ERBIN: variants seen among roughly 807,000 people sequenced by gnomAD.
ERBIN encodes erbb2 interacting protein, also known as densin-180-like protein.
ERBIN carries 60 observed loss-of-function variants against 158.4 expected under a neutral mutation model. The ratio of observed to expected loss-of-function variants is 0.38; its 90% CI spans 0.31 to 0.47. The LOEUF (loss-of-function observed/expected upper bound fraction) is 0.47, where lower values mean the gene tolerates loss of function less well. Among genes scored for constraint, ERBIN ranks in the 20% least tolerant of loss-of-function variants. ERBIN has a pLI of 0.99. For synonymous variants in ERBIN, 594 were observed against 557.2 expected, an observed-to-expected ratio of 1.07 and a Z score of -0.93; for missense variants, 1,610 against 1,648.0, an observed-to-expected ratio of 0.98 and a Z score of 0.40.
chr5:66,081,162 A>G lies in ERBIN; in HGVS notation c.*2632A>G, dbSNP rs1762368302. ...TTTTAGTGATTTTGTCTTTAAGAGT[A>G]ATTTCTTACTCTAACCAGTAAAAAA... On this transcript the variant is annotated 3_prime_UTR_variant, in exon 26 of 26. Coordinates refer to ENST00000284037, the MANE Select transcript of ERBIN (RefSeq NM_001253697.2). 1 of 151,976 alleles carries G rather than the reference A, an allele frequency of 6.6e-6. No homozygotes were observed. The highest frequency in any genetic ancestry group is 2.4e-5 in the African/African-American group (1 of 41,436). 9.4% of individuals were successfully genotyped at this position (151,976 alleles called of 1,614,324 possible). A position where few individuals can be genotyped will look rare whatever the true frequency, so the allele number is the denominator to read the frequency against.
chr5:66,048,769 A>C lies in ERBIN; in HGVS notation c.1891A>C (p.Asn631His). 6.3e-7 allele frequency: 1 copy of C among 1,588,598 alleles called. No homozygotes were observed. The highest frequency in any genetic ancestry group is 8.6e-7 in the Non-Finnish European group (1 of 1,168,480). The change falls in exon 19 of 26, where the codon AAT becomes CAT. Residue 631 changes from asparagine (N) to histidine (H), a missense_variant. This residue lies in a region of ERBIN where 1,014 missense variants were observed against 936.1 expected (regional missense o/e 1.08). Transcript: ENST00000284037. The stretch of plus-strand genomic sequence containing the variant: ...CCAGCCAAAAGTCGTAGCACTTAGT[A>C]ATAACAAAAAAGGTTAGATGTTAAA... ...INQPKVVALS[N>H]NKKDDTKETD...
At chr5:66,019,910 ATCT>A (rs1372764294) in intron 7 of ERBIN, among the ~76,000 whole-genome samples, 3 of 152,090 alleles carry the variant, frequency 2.0e-5, no homozygotes, top group African/African-American at 4.8e-5. Flanking sequence ...CCTCCTCACA[ATCT>A]TCTTCACTTT....
intron 8 of ERBIN, among the ~76,000 whole-genome samples, chr5:66,022,613 A>C (rs1755819610): frequency 6.6e-6 from 1 of 152,212 alleles, no homozygotes; most frequent in Non-Finnish European, 1.5e-5. Context: ...AAGAGGGCAG[A>C]CTTGAAGGGA....
At position 66,054,087 on chromosome 5, in the gene ERBIN, A is replaced by G. The variant is rs1054272739; in HGVS notation, c.2769A>G (p.Pro923=). 13 of 1,614,068 alleles carry G rather than the reference A, an allele frequency of 8.1e-6. No individual in the cohort carries two copies. Among genetic ancestry groups the G allele is most frequent in the Non-Finnish European group, 1.0e-5 (12 of 1,180,038 alleles). The change falls in exon 21 of 26, where the codon CCA becomes CCG. Residue 923 remains proline, a synonymous_variant. Transcript: ENST00000284037. ...CTGCCACACTGTTGTATGATCAACCATTGCAGGTATTTACTGGTTCTTCCT... is the reference window on the plus strand; with the variant it reads ...CTGCCACACTGTTGTATGATCAACCGTTGCAGGTATTTACTGGTTCTTCCT... ...SKSATLLYDQ[P]LQVFTGSSSS... is the part of the protein sequence containing the mutation.
chr5:66,065,155 G>A (rs1005769639), intron 21 of ERBIN, among the ~76,000 whole-genome samples: 1 of 152,136 alleles, frequency 6.6e-6, no homozygotes, highest in African/African-American at 2.4e-5. Flanking sequence ...AACACAATAC[G>A]ATACTAGGTT....
intron 1 of ERBIN, among the ~76,000 whole-genome samples, chr5:65,964,908 TTGTG>T (rs70987104): frequency 0.024 from 2,569 of 107,192 alleles, 92 homozygotes; most frequent in African/African-American, 0.067. Flanking sequence ...CCTGGCTGAT[TTGTG>T]TGTGTGTGTG....
intron 1 of ERBIN, among the ~76,000 whole-genome samples, chr5:65,970,935 A>G (rs1327895079): frequency 2.0e-5 from 3 of 152,088 alleles, no homozygotes; most frequent in African/African-American, 4.8e-5. Context: ...TTATCTTTGT[A>G]TCTTTAGTGT....
intron 4 of ERBIN, among the ~76,000 whole-genome samples, chr5:66,011,794 G>A (rs1177821577): frequency 1.3e-5 from 2 of 152,112 alleles, no homozygotes; most frequent in Non-Finnish European, 1.5e-5. Context: ...CATGTAGAAG[G>A]CACTAATTTT....
At chr5:65,982,626 GA>G (rs1750779152) in intron 1 of ERBIN, among the ~76,000 whole-genome samples, 1 of 151,888 alleles carries the variant, frequency 6.6e-6, no homozygotes, top group South Asian at 2.1e-4. Flanking sequence ...TTTGTAATTA[GA>G]AAAATGCAAA....
chr5:65,979,668 A>G (rs1052359756), intron 1 of ERBIN, among the ~76,000 whole-genome samples: 3 of 152,232 alleles, frequency 2.0e-5, no homozygotes, highest in Non-Finnish European at 4.4e-5. Context: ...CCAAATGCAT[A>G]TTCTGGAACT....
At chr5:65,929,353 G>A (rs1024844898) in intron 1 of ERBIN, among the ~76,000 whole-genome samples, 1 of 152,114 alleles carries the variant, frequency 6.6e-6, no homozygotes, top group East Asian at 1.9e-4. Flanking sequence ...CGGATAATAC[G>A]ATTTAGACTT....
intron 1 of ERBIN, among the ~76,000 whole-genome samples, chr5:65,958,029 G>C (rs1183548462): frequency 2.0e-5 from 3 of 149,734 alleles, no homozygotes; most frequent in Non-Finnish European, 4.5e-5. Flanking sequence ...ACGGGGTGGC[G>C]GGGCAGAGGC....
At chr5:65,939,548 CCCACGGTCTCCCTCTCCCTCTCTTT>C (rs1041112014) in intron 1 of ERBIN, among the ~76,000 whole-genome samples, 3 of 152,032 alleles carry the variant, frequency 2.0e-5, no homozygotes. Context: ...TCTCCCTCTC[CCCACGGTCTCCCTCTCCCTCTCTTT>C]CCACGGTCTC....
At chr5:66,013,407 AG>A (rs1483965956) in intron 5 of ERBIN, 141 bp from the exon 6 acceptor site, 1 of 656,924 alleles carries the variant, frequency 1.5e-6, no homozygotes, top group Non-Finnish European at 2.7e-6. Flanking sequence ...AAATCTTTGA[AG>A]GGGCTCTCAT....
intron 1 of ERBIN, among the ~76,000 whole-genome samples, chr5:65,928,551 TA>T (rs1310937884): frequency 6.6e-6 from 1 of 152,196 alleles, no homozygotes; most frequent in Non-Finnish European, 1.5e-5. Context: ...AAATTTTGTA[TA>T]AAAAAAGTAT....
Position 65,996,873 on chromosome 5 carries a change from AT to A in ERBIN, c.307+2016del, listed in dbSNP as rs1229070885. 3.9e-5 allele frequency among the ~76,000 whole-genome samples: 6 copies of A among 151,916 alleles called. No homozygotes were observed. The South Asian group carries it at 1.0e-3, about 26-fold the overall frequency. ...AGTTAAATTTATTTCTAAGTATTTT[AT>A]TTTTTTGGTAGCTATTATAAATGGG... On this transcript the variant is annotated intron_variant, in intron 4 of 25. Coordinates refer to ENST00000284037, the MANE Select transcript of ERBIN (RefSeq NM_001253697.2).
rs569450784 is a variant in ERBIN at position 65,953,099 on chromosome 5, TC to T, written c.-58+26295del. Among the ~76,000 whole-genome samples the T allele has an allele frequency of 7.1e-4, 108 of 152,376 alleles. 2 individuals carry two copies. In the South Asian group the frequency reaches 0.021, roughly 30 times the overall value. Reference sequence around the variant, plus strand: ...TACAAAGTTACCATCTGGCTTCTGGTCCACAGCCCTCTCTGCTTCTGCTTTC... The same window carrying T: ...TACAAAGTTACCATCTGGCTTCTGGTCACAGCCCTCTCTGCTTCTGCTTTC... On this transcript the variant is annotated intron_variant, in intron 1 of 25. Transcript: ENST00000284037.
intron 1 of ERBIN, among the ~76,000 whole-genome samples, chr5:65,969,235 T>C (rs1398471476): frequency 6.6e-6 from 1 of 152,132 alleles, no homozygotes; most frequent in Non-Finnish European, 1.5e-5. Context: ...TACCTGTGAG[T>C]ATGAATAGTA....
At position 66,067,370 on chromosome 5, in the gene ERBIN, T is replaced by C. The variant is rs1306243346; in HGVS notation, c.3634-4799T>C. Among the ~76,000 whole-genome samples, 17 of 152,356 alleles carry C rather than the reference T, an allele frequency of 1.1e-4. No homozygotes were observed. In the East Asian group the frequency reaches 1.3e-3, roughly 12 times the overall value. On this transcript the variant is annotated intron_variant, in intron 21 of 25. Coordinates refer to ENST00000284037, the MANE Select transcript of ERBIN (RefSeq NM_001253697.2). ...AAGAGTAATACAGAAATGCTTGTTA[T>C]GATATTTCTGTATTAATAACAAGCC... is the stretch of plus-strand genomic sequence containing the variant.
Sources: gnomAD v4.1 joint callset for allele counts (sites outside exome capture counted in the v4.1 genomes callset) on GRCh38, gnomAD v4.1.1 for gene constraint, gnomAD v4.1.1 regional missense constraint, MANE v1.5 for transcripts, NCBI Gene and HGNC (gene_info 2026-07-23, HGNC 2026-07-21) for gene names.